Variants in GJA9 observed in about 807,000 individuals in gnomAD.
GJA9 encodes the protein gap junction protein alpha 9.
In GJA9, 1 loss-of-function variant was observed where a neutral mutation model predicts 0.4. That is an observed-to-expected ratio of 2.50 (90% CI 0.89 to 11.88). GJA9 has a LOEUF of 11.88. GJA9 is among the 30% of genes most tolerant of loss of function. The pLI is 0.12. For missense variants in GJA9, 550 were observed against 602.8 expected (o/e 0.91, Z 0.92); for synonymous variants, 190 against 219.1 (o/e 0.87, Z 1.17).
At chr1:38,880,135 G>A (rs910342833) in intron 1 of GJA9, among the ~76,000 whole-genome samples, 1 of 147,780 alleles carries the variant, frequency 6.8e-6, no homozygotes, top group Non-Finnish European at 1.5e-5. Context: ...GGGCACGGTG[G>A]CTCACGCCTG....
At chr1:38,881,125 G>C (rs1418811027) in intron 1 of GJA9, among the ~76,000 whole-genome samples, 1 of 152,080 alleles carries the variant, frequency 6.6e-6, no homozygotes, top group Non-Finnish European at 1.5e-5. Context: ...ACGGTGATTA[G>C]CTCTGGATGT....
chr1:38,877,827 T>A (rs1426038109), intron 1 of GJA9, among the ~76,000 whole-genome samples: 1 of 152,144 alleles, frequency 6.6e-6, no homozygotes. Flanking sequence ...ATCTCATTTA[T>A]ACACATAGGA....
intron 1 of GJA9, among the ~76,000 whole-genome samples, chr1:38,880,402 C>CAA (rs1267872139): frequency 1.0e-4 from 8 of 79,904 alleles, no homozygotes; most frequent in Non-Finnish European, 2.1e-4. Flanking sequence ...GACTCTGTCT[C>CAA]AAAAAAAAAT....
chr1:38,880,689 G>A (rs925628278), intron 1 of GJA9, among the ~76,000 whole-genome samples: 3 of 151,460 alleles, frequency 2.0e-5, no homozygotes, highest in Admixed American at 6.6e-5. Flanking sequence ...GACTGAGGCA[G>A]GAGAATCGCT....
chr1:38,880,417 AAT>A (rs1478934784), intron 1 of GJA9, among the ~76,000 whole-genome samples: 1 of 36,152 alleles, frequency 2.8e-5, no homozygotes, highest in African/African-American at 1.1e-4. Context: ...AAAAATAAAT[AAT>A]AATAATAATA....
Position 38,875,909 on chromosome 1 carries a change from C to T in GJA9, c.190G>A (p.Val64Ile), listed in dbSNP as rs973391142. ...CNTEQPGCRN[V>I]CYDQAFPISL... ...ATAGGAAAGGCCTGGTCGTAGCATA[C>T]ATTTCTGCAGCCTGGTTGTTCTGTA... Residue 64 changes from valine to isoleucine, a missense_variant, in exon 2 of 2, where the codon GTA becomes ATA. Physicochemically the swap from Val to Ile is conservative, Grantham distance 29. Coordinates refer to ENST00000357771, the MANE Select transcript of GJA9 (RefSeq NM_030772.5). 20 of 1,614,250 alleles carry T rather than the reference C, an allele frequency of 1.2e-5. No individual in the cohort carries two copies. Among genetic ancestry groups the T allele is most frequent in the Non-Finnish European group, 1.7e-5 (20 of 1,180,044 alleles).
intron 1 of GJA9, among the ~76,000 whole-genome samples, chr1:38,876,907 C>T (rs916762759): frequency 1.3e-5 from 2 of 151,234 alleles, no homozygotes; most frequent in South Asian, 2.1e-4. Flanking sequence ...GCAAGAGAAT[C>T]GCTTGAACCT....
In GJA9 at chr1:38,875,979, T is replaced by A; in HGVS notation, c.120A>T (p.Ala40=). ...GCTCATCATTCCAGACATCTTCAGC[T>A]GCTACACCCAGAACAAGCATTCGAA... ...FIFRMLVLGV[A]AEDVWNDEQS... Residue 40 remains alanine, a synonymous_variant, in exon 2 of 2, where the codon GCA becomes GCT. Transcript: ENST00000357771. 1.2e-6 allele frequency: 2 copies of A among 1,614,242 alleles called. No homozygotes were observed. The highest frequency in any genetic ancestry group is 1.7e-6 in the Non-Finnish European group (2 of 1,180,046).
rs187360719 is a variant in GJA9, at chr1:38,875,158, C to G, written c.941G>C (p.Ser314Thr). 5.2e-5 allele frequency: 84 copies of G among 1,614,108 alleles called. No individual in the cohort carries two copies. The highest frequency in any genetic ancestry group is 6.9e-5 in the Non-Finnish European group (81 of 1,179,966). The change falls in exon 2 of 2, where the codon AGT (serine) becomes ACT (threonine). Residue 314 changes from serine to threonine, a missense_variant. Transcript: ENST00000357771. ...SVFQPNPDNH[S>T]VNDEKCILDE... ...CAAAATGCATTTCTCATCATTTACA[C>G]TATGATTGTCAGGATTTGGCTGGAA... is the stretch of plus-strand genomic sequence containing the variant.
chr1:38,874,758 G>C lies in GJA9; in HGVS notation c.1341C>G (p.Phe447Leu). ...SPPKGNLKGQ[F>L]RKGTVRTLPP... ...GAAGGGTTCTGACTGTGCCCTTTCT[G>C]AACTGGCCCTTGAGGTTACCTTTAG... The change falls in exon 2 of 2, where the codon TTC (phenylalanine) becomes TTG (leucine). Residue 447 changes from phenylalanine (F) to leucine (L), a missense_variant. Coordinates refer to ENST00000357771, the MANE Select transcript of GJA9 (RefSeq NM_030772.5). 1 of 1,614,172 alleles carries C rather than the reference G, an allele frequency of 6.2e-7. No homozygotes were observed. The highest frequency in any genetic ancestry group is 8.5e-7 in the Non-Finnish European group (1 of 1,180,028).
Position 38,875,565 on chromosome 1 carries a change from T to C in GJA9, c.534A>G (p.Leu178=). The change falls in exon 2 of 2, where the codon TTA becomes TTG. Residue 178 remains leucine, a synonymous_variant. Transcript: ENST00000357771. Reference sequence around the variant, plus strand: ...ATAGCGGCTCTAAGTGAAATCCATATAAAAGGTACTGTCCAATCATGAATC... The same window carrying C: ...ATAGCGGCTCTAAGTGAAATCCATACAAAAGGTACTGTCCAATCATGAATC... The part of the protein sequence containing the change: ...EVGFMIGQYL[L]YGFHLEPLFK... The C allele has an allele frequency of 4.3e-6, 7 of 1,614,198 alleles. No individual in the cohort carries two copies. The highest frequency in any genetic ancestry group is 5.9e-6 in the Non-Finnish European group (7 of 1,180,034).
intron 1 of GJA9, among the ~76,000 whole-genome samples, chr1:38,876,857 G>T (rs933648244): frequency 8.6e-5 from 13 of 151,712 alleles, no homozygotes; most frequent in African/African-American, 1.9e-4. Flanking sequence ...GCCAGGCGTG[G>T]TGGCAGGCGC....
At position 38,874,521 on chromosome 1, in the gene GJA9, T is replaced by A. The variant is rs760322466; in HGVS notation, c.*30A>T. 6.5e-7 allele frequency: 1 copy of A among 1,542,460 alleles called. No individual in the cohort carries two copies. The highest frequency in any genetic ancestry group is 8.9e-7 in the Non-Finnish European group (1 of 1,123,480). On this transcript the variant is annotated 3_prime_UTR_variant, in exon 2 of 2. Transcript: ENST00000357771. ...GACCACTAGGCTACTTCTCTGATAA[T>A]ATATATAATGTCTAAAAGCCAACCG... is the stretch of plus-strand genomic sequence containing the variant.
Position 38,874,893 on chromosome 1 carries a change from C to A in GJA9, c.1206G>T (p.Arg402Ser). 6.2e-7 allele frequency: 1 copy of A among 1,614,176 alleles called. No individual in the cohort carries two copies. Among genetic ancestry groups the A allele is most frequent in the Non-Finnish European group, 8.5e-7 (1 of 1,180,032 alleles). ...AGGAGAAAACTGTTTGGGGTGACTG[C>A]CTCATGTTGTTCTCTCCATCTATAG... The part of the protein sequence containing the change: ...GVAIDGENNM[R>S]QSPQTVFSLP... The change falls in exon 2 of 2, where the codon AGG (arginine) becomes AGT (serine). Residue 402 changes from arginine (R) to serine (S), a missense_variant. Transcript: ENST00000357771.
At chr1:38,876,481 T>C (rs1297362241) in intron 1 of GJA9, 1 of 172,690 alleles carries the variant, frequency 5.8e-6, no homozygotes, top group Non-Finnish European at 1.2e-5. Flanking sequence ...TCTCACTCTA[T>C]TGCTGCAGCT....
chr1:38,877,409 TAA>T (rs1642607442), intron 1 of GJA9, among the ~76,000 whole-genome samples: 1 of 152,214 alleles, frequency 6.6e-6, no homozygotes, highest in Non-Finnish European at 1.5e-5. Context: ...CCTTATTTAT[TAA>T]GATTATTTGA....
rs760081333 is a variant in GJA9, at chr1:38,874,165, A to G, written c.*386T>C. The G allele has an allele frequency of 2.8e-6, 1 of 352,888 alleles. No individual in the cohort carries two copies. The highest frequency in any genetic ancestry group is 2.3e-5 in the South Asian group (1 of 44,412). 21.9% of individuals were successfully genotyped at this position (352,888 alleles called of 1,614,324 possible). A position where few individuals can be genotyped will look rare whatever the true frequency, so the allele number is the denominator to read the frequency against. ...AAGGAAACTTACGTGATTGTGTTCC[A>G]GGGGCAAACAGAATTAACCCAGTGT... On this transcript the variant is annotated 3_prime_UTR_variant, in exon 2 of 2. Transcript: ENST00000357771.
In GJA9 at chr1:38,875,841, A is replaced by G; in HGVS notation, c.258T>C (p.Ser86=). The G allele has an allele frequency of 6.2e-7, 1 of 1,614,236 alleles. No individual in the cohort carries two copies. The highest frequency in any genetic ancestry group is 1.1e-5 in the South Asian group (1 of 91,088). ...GGCCCATGTAGACCAGGGATGGTGA[A>G]GACACAAATATCACCTGCAGAACCC... The part of the protein sequence containing the change: ...RYWVLQVIFV[S]SPSLVYMGHA... The change falls in exon 2 of 2, where the codon TCT becomes TCC. Residue 86 remains serine, a synonymous_variant. Coordinates refer to ENST00000357771, the MANE Select transcript of GJA9 (RefSeq NM_030772.5).
chr1:38,878,735 T>C (rs1306430734), intron 1 of GJA9, among the ~76,000 whole-genome samples: 4 of 147,896 alleles, frequency 2.7e-5, no homozygotes, highest in Non-Finnish European at 6.0e-5. Flanking sequence ...AGAATCTTTT[T>C]TTTTTTTTTT....
Sources: gnomAD v4.1 joint callset for allele counts (sites outside exome capture counted in the v4.1 genomes callset) on GRCh38, gnomAD v4.1.1 for gene constraint, MANE v1.5 for transcripts, NCBI Gene and HGNC (gene_info 2026-07-23, HGNC 2026-07-21) for gene names.